SCAPER: variants seen among roughly 807,000 people sequenced by gnomAD.
SCAPER encodes S-phase cyclin A associated protein in the ER.
SCAPER carries 98 observed loss-of-function variants against 182.2 expected under a neutral mutation model. That is an observed-to-expected ratio of 0.54 (90% CI 0.46 to 0.64). The LOEUF (loss-of-function observed/expected upper bound fraction) is 0.64, where lower values mean the gene tolerates loss of function less well. Among genes scored for constraint, SCAPER ranks in the 30% least tolerant of loss-of-function variants. The pLI is 0.00. For missense variants in SCAPER, 1,432 were observed against 1,690.0 expected, an observed-to-expected ratio of 0.85 and a Z score of 2.68; for synonymous variants, 605 against 564.6, an observed-to-expected ratio of 1.07 and a Z score of -1.01.
chr15:76,744,806 T>G lies in SCAPER; in HGVS notation c.1866+9002A>C, dbSNP rs150944619. 3.5e-3 allele frequency among the ~76,000 whole-genome samples: 540 copies of G among 152,172 alleles called. 2 individuals carry two copies. The highest frequency in any genetic ancestry group is 6.5e-3 in the Non-Finnish European group (445 of 67,982). The stretch of plus-strand genomic sequence containing the variant: ...GGGATATACCCATTGGAAAACAAAT[T>G]ATTATACCAAAAAGACATGTGCAGT... On this transcript the variant is annotated intron_variant, in intron 15 of 31. Transcript: ENST00000563290.
intron 24 of SCAPER, among the ~76,000 whole-genome samples, chr15:76,482,979 T>C (rs937337057): frequency 2.6e-5 from 4 of 152,210 alleles, no homozygotes; most frequent in African/African-American, 7.2e-5. Context: ...GTTACTCCAT[T>C]GATACTGATA....
intron 23 of SCAPER, among the ~76,000 whole-genome samples, chr15:76,552,014 G>A (rs1043084751): frequency 8.5e-5 from 13 of 152,150 alleles, no homozygotes; most frequent in African/African-American, 2.9e-4. Flanking sequence ...AGCTGGGCAT[G>A]GTGGCTCATG....
Position 76,353,992 on chromosome 15 carries a change from A to C in SCAPER, c.4004T>G (p.Leu1335Arg). 6.3e-7 allele frequency: 1 copy of C among 1,599,762 alleles called. No homozygotes were observed. Among genetic ancestry groups the C allele is most frequent in the Non-Finnish European group, 8.5e-7 (1 of 1,175,568 alleles). Residue 1335 changes from leucine (L) to arginine (R), a missense_variant, in exon 30 of 32, where the codon CTG becomes CGG. Around this residue, in one of 5 missense-constraint regions of SCAPER, gnomAD observed 718 missense variants for 799.7 expected, o/e 0.90. Coordinates refer to ENST00000563290, the MANE Select transcript of SCAPER (RefSeq NM_020843.4). ...CYNNHQNKII[L>R]EQEMSCVLLA... ...TAAAACACAGCTCATCTCTTGCTCC[A>C]GAATGATCTTGTTCTGATGGTTGTT... is the stretch of plus-strand genomic sequence containing the variant.
intron 14 of SCAPER, among the ~76,000 whole-genome samples, chr15:76,763,331 T>G (rs1192608012): frequency 7.5e-6 from 1 of 133,744 alleles, no homozygotes; most frequent in Admixed American, 8.0e-5. Flanking sequence ...AGAAATTCAC[T>G]GATCATTTCT....
intron 20 of SCAPER, among the ~76,000 whole-genome samples, chr15:76,692,710 AAAGG>A (rs1220549103): frequency 4.0e-5 from 6 of 149,756 alleles, no homozygotes; most frequent in African/African-American, 1.2e-4. Context: ...AAAAAAAAAA[AAAGG>A]AAAAGGAAAA....
Position 76,664,588 on chromosome 15 carries a change from C to T in SCAPER, c.2645+1065G>A, listed in dbSNP as rs371434717. Among the ~76,000 whole-genome samples the T allele has an allele frequency of 5.3e-5, 8 of 151,876 alleles. No individual in the cohort carries two copies. The South Asian group carries it at 1.7e-3, about 32-fold the overall frequency. Reference sequence around the variant, plus strand: ...ATTGGCAAGTAGAGGTATTTATAGCCGCAGAACCAGGGAGCTCACCAAGAG... The same window carrying T: ...ATTGGCAAGTAGAGGTATTTATAGCTGCAGAACCAGGGAGCTCACCAAGAG... On this transcript the variant is annotated intron_variant, in intron 21 of 31. Transcript: ENST00000563290.
At position 76,854,362 on chromosome 15, in the gene SCAPER, C is replaced by T. The variant is rs561409985; in HGVS notation, c.195+3447G>A. 6.6e-5 allele frequency among the ~76,000 whole-genome samples: 10 copies of T among 151,940 alleles called. No homozygotes were observed. The East Asian group carries it at 1.4e-3, about 21-fold the overall frequency. On this transcript the variant is annotated intron_variant, in intron 4 of 31. Coordinates refer to ENST00000563290, the MANE Select transcript of SCAPER (RefSeq NM_020843.4). ...AGGAATGCAATCCAATTCAAAATTG[C>T]GACAAAAAAGAATAAAATACCTAGA...
chr15:76,877,906 C>T (rs2073279921), intron 2 of SCAPER, among the ~76,000 whole-genome samples: 1 of 152,136 alleles, frequency 6.6e-6, no homozygotes, highest in Admixed American at 6.5e-5. Context: ...TAAATTTCCA[C>T]ATTTTGAACA....
At chr15:76,751,780 A>G (rs921056170) in intron 15 of SCAPER, among the ~76,000 whole-genome samples, 4 of 151,820 alleles carry the variant, frequency 2.6e-5, no homozygotes, top group Non-Finnish European at 5.9e-5. Flanking sequence ...AACTCTTAGA[A>G]GAAGACACAG....
rs144146262 is a variant in SCAPER, at chr15:76,660,645, C to A, written c.2645+5008G>T. Among the ~76,000 whole-genome samples the A allele has an allele frequency of 1.5e-3, 230 of 152,214 alleles. 2 individuals carry two copies. The highest frequency in any genetic ancestry group is 5.0e-3 in the African/African-American group (209 of 41,552). ...AAAAACAAAAACAAACTACAGTTAA[C>A]ATCATCCCTTAATGGTGAAAAACTG... On this transcript the variant is annotated intron_variant, in intron 21 of 31. Coordinates refer to ENST00000563290, the MANE Select transcript of SCAPER (RefSeq NM_020843.4).
intron 27 of SCAPER, among the ~76,000 whole-genome samples, chr15:76,393,469 G>C (rs1445920417): frequency 1.3e-5 from 2 of 152,226 alleles, no homozygotes; most frequent in Non-Finnish European, 1.5e-5. Flanking sequence ...GGAATGGGCT[G>C]ACAGTATCAA....
chr15:76,575,906 G>A (rs1157615830), intron 22 of SCAPER, among the ~76,000 whole-genome samples: 5 of 152,202 alleles, frequency 3.3e-5, no homozygotes. Context: ...CTATTGTATT[G>A]AACAGTGCAG....
intron 15 of SCAPER, among the ~76,000 whole-genome samples, 190 bp from the exon 16 acceptor site, chr15:76,733,574 C>G (rs188008917): frequency 6.6e-6 from 1 of 151,380 alleles, no homozygotes; most frequent in Non-Finnish European, 1.5e-5. Context: ...TATGGTGAAA[C>G]CCCATCTCTA....
At chr15:76,819,801 A>G (rs1219658849) in intron 5 of SCAPER, among the ~76,000 whole-genome samples, 1 of 152,202 alleles carries the variant, frequency 6.6e-6, no homozygotes, top group Non-Finnish European at 1.5e-5. Context: ...CAGAGTGAAC[A>G]GGCAACCTAC....
At chr15:76,819,525 C>G (rs2067352103) in intron 5 of SCAPER, among the ~76,000 whole-genome samples, 1 of 152,136 alleles carries the variant, frequency 6.6e-6, no homozygotes, top group African/African-American at 2.4e-5. Flanking sequence ...AGCTGAGGGT[C>G]CTGAATGTTA....
At chr15:76,715,004 T>A (rs759376068) in intron 17 of SCAPER, among the ~76,000 whole-genome samples, 14 of 151,924 alleles carry the variant, frequency 9.2e-5, no homozygotes, top group Non-Finnish European at 1.6e-4. Context: ...CAGCATGACA[T>A]CCCCCAGCTG....
At chr15:76,441,942 T>C (rs938303939) in intron 25 of SCAPER, among the ~76,000 whole-genome samples, 2 of 152,152 alleles carry the variant, frequency 1.3e-5, no homozygotes, top group Non-Finnish European at 1.5e-5. Flanking sequence ...TTTAAATGCA[T>C]GTAGACACTG....
chr15:76,697,889 C>T (rs767245370), intron 20 of SCAPER, among the ~76,000 whole-genome samples: 24 of 152,264 alleles, frequency 1.6e-4, no homozygotes, highest in Non-Finnish European at 3.4e-4. Flanking sequence ...ATCCACCCAC[C>T]TCAGCCTCCC....
At chr15:76,625,949 G>T (rs12442966) in intron 21 of SCAPER, among the ~76,000 whole-genome samples, 118,019 of 151,992 alleles carry the variant, frequency 0.78, 47,588 homozygotes, top group Middle Eastern at 0.88. Context: ...AGAACTGTCT[G>T]GGGCCACACA....
Sources: allele counts gnomAD v4.1 joint callset (sites outside exome capture counted in the v4.1 genomes callset), GRCh38; gene constraint gnomAD v4.1.1; regional missense constraint gnomAD v4.1.1; transcripts MANE v1.5; gene names NCBI Gene and HGNC (gene_info 2026-07-23, HGNC 2026-07-21).